Variants in WWTR1 observed in about 807,000 individuals in gnomAD.
WWTR1 encodes WW domain-containing transcription regulator protein 1.
In WWTR1, 13 loss-of-function variants were observed where a neutral mutation model predicts 40.1. The ratio of observed to expected loss-of-function variants is 0.32; its 90% CI spans 0.21 to 0.52. WWTR1 has a LOEUF of 0.52. WWTR1 is among the 20% of genes least tolerant of loss of function. The probability of loss-of-function intolerance (pLI) is 0.97; values close to 1 mark genes in which losing one functional copy is unlikely to be tolerated. For synonymous variants in WWTR1, 230 were observed against 210.1 expected (o/e 1.09, Z -0.82); for missense variants, 436 against 523.1 (o/e 0.83, Z 1.63).
At chr3:149,637,992 G>T (rs1028321473) in intron 2 of WWTR1, among the ~76,000 whole-genome samples, 11 of 152,154 alleles carry the variant, frequency 7.2e-5, no homozygotes, top group African/African-American at 2.4e-4. Context: ...TGAGGTGGTG[G>T]ATCACCTGAG....
At chr3:149,672,166 C>G (rs1714108854) in intron 1 of WWTR1, among the ~76,000 whole-genome samples, 1 of 152,102 alleles carries the variant, frequency 6.6e-6, no homozygotes, top group South Asian at 2.1e-4. Context: ...AAAAAACAAC[C>G]AGTAGAATGT....
intron 1 of WWTR1, among the ~76,000 whole-genome samples, chr3:149,694,473 G>A (rs550026048): frequency 1.5e-3 from 235 of 152,180 alleles, no homozygotes; most frequent in South Asian, 3.3e-3. Flanking sequence ...ATAACTCAAT[G>A]GGGAAAAATA....
At chr3:149,683,792 G>T (rs1408645211) in intron 1 of WWTR1, among the ~76,000 whole-genome samples, 1 of 152,216 alleles carries the variant, frequency 6.6e-6, no homozygotes, top group Non-Finnish European at 1.5e-5. Flanking sequence ...TGGGAAGGGG[G>T]TGTGACAGCC....
intron 1 of WWTR1, among the ~76,000 whole-genome samples, chr3:149,671,719 TG>T (rs1714094627): frequency 6.6e-6 from 1 of 152,176 alleles, no homozygotes; most frequent in Non-Finnish European, 1.5e-5. Flanking sequence ...AACAGTCAGA[TG>T]TTTTTTCCCT....
intron 5 of WWTR1, among the ~76,000 whole-genome samples, chr3:149,716,284 G>A (rs1180895923): frequency 6.6e-6 from 1 of 151,960 alleles, no homozygotes; most frequent in Non-Finnish European, 1.5e-5. Context: ...TCAGAAGGCT[G>A]GGCAGGAGAA....
At chr3:149,655,721 A>G (rs1043724686) in intron 2 of WWTR1, among the ~76,000 whole-genome samples, 1 of 152,264 alleles carries the variant, frequency 6.6e-6, no homozygotes, top group South Asian at 2.1e-4. Context: ...GTATGAATCA[A>G]TGGGCTCACT....
intron 2 of WWTR1, among the ~76,000 whole-genome samples, chr3:149,626,255 G>C (rs992820333): frequency 6.6e-6 from 1 of 152,054 alleles, no homozygotes; most frequent in Admixed American, 6.6e-5. Flanking sequence ...ATTCATTACT[G>C]GAGCCTACCA....
rs140021538 is a variant in WWTR1 at position 149,602,152 on chromosome 3, A to C, written c.432-29152T>G. Among the ~76,000 whole-genome samples, 20 of 152,298 alleles carry C rather than the reference A, an allele frequency of 1.3e-4. No homozygotes were observed. The East Asian group carries it at 3.7e-3, about 28-fold the overall frequency. On this transcript the variant is annotated intron_variant, in intron 2 of 6. Transcript: ENST00000360632. ...GCTGGGGGAAAATGAGGAAACAATA[A>C]ATTTTCCCCCACAGGAGAAAAATGT... is the stretch of plus-strand genomic sequence containing the variant.
rs141654663 is a variant in WWTR1 at position 149,711,966 on chromosome 3, A to G, written n.584+5476T>C. ...CTCTAGTTATCTGCCTTCCCAACCA[A>G]TGTTAACTTCTTGAAATCAAAGACT... is the stretch of plus-strand genomic sequence containing the variant. On this transcript the variant is annotated intron_variant and non_coding_transcript_variant, in intron 5 of 6. Transcript: ENST00000474080. Among the ~76,000 whole-genome samples, 426 of 152,304 alleles carry G rather than the reference A, an allele frequency of 2.8e-3. 1 individual carries two copies. The highest frequency in any genetic ancestry group is 9.4e-3 in the African/African-American group (391 of 41,570).
At chr3:149,621,309 A>AC (rs1740253804) in intron 2 of WWTR1, among the ~76,000 whole-genome samples, 1 of 152,172 alleles carries the variant, frequency 6.6e-6, no homozygotes, top group Non-Finnish European at 1.5e-5. Context: ...CTAATCACAG[A>AC]AGTCTTTGTG....
At chr3:149,620,875 A>T (rs551520462) in intron 2 of WWTR1, among the ~76,000 whole-genome samples, 1 of 152,348 alleles carries the variant, frequency 6.6e-6, no homozygotes, top group Admixed American at 6.5e-5. Flanking sequence ...AAGAATCTCA[A>T]GCTTTTCAAC....
chr3:149,703,031 T>C (rs1715243896), intron 1 of WWTR1: 1 of 152,242 alleles, frequency 6.6e-6, no homozygotes, highest in Non-Finnish European at 1.5e-5. Flanking sequence ...TCCTTGCTTA[T>C]CTTGTTACTC....
At chr3:149,697,001 C>T (rs941838927) in intron 1 of WWTR1, among the ~76,000 whole-genome samples, 18 of 152,170 alleles carry the variant, frequency 1.2e-4, no homozygotes, top group Admixed American at 5.9e-4. Context: ...TGTCTTAGCA[C>T]GGAGGTCACT....
chr3:149,525,791 CA>C, intron 6 of WWTR1: 2 of 310,000 alleles, frequency 6.5e-6, no homozygotes, highest in Non-Finnish European at 1.2e-5. Context: ...GGGTGAAAAA[CA>C]AACTATTGGG....
intron 4 of WWTR1, among the ~76,000 whole-genome samples, chr3:149,535,842 G>A (rs570442124): frequency 9.3e-4 from 142 of 152,002 alleles, no homozygotes; most frequent in African/African-American, 2.9e-3. Flanking sequence ...GCAAAACCCC[G>A]TCTCTACTAA....
chr3:149,655,758 A>C (rs1265644914), intron 2 of WWTR1, among the ~76,000 whole-genome samples: 1 of 152,254 alleles, frequency 6.6e-6, no homozygotes, highest in East Asian at 1.9e-4. Context: ...ATCACTGTGT[A>C]TTCATTCTTA....
At chr3:149,613,386 C>G (rs1368541424) in intron 2 of WWTR1, among the ~76,000 whole-genome samples, 2 of 152,132 alleles carry the variant, frequency 1.3e-5, no homozygotes, top group Non-Finnish European at 2.9e-5. Flanking sequence ...AGGCAAGACC[C>G]AGGGACCAAG....
chr3:149,710,577 C>CCA lies in WWTR1; in HGVS notation n.584+6864_584+6865insTG, dbSNP rs1559847491. ...ATTATCATTATCCCCGCCTCCCCCCCCCCCCTTTTTTTTTTTTTTTGAGAT... is the reference window on the plus strand; with the variant it reads ...ATTATCATTATCCCCGCCTCCCCCCCCACCCCCTTTTTTTTTTTTTTTGAGAT... On this transcript the variant is annotated intron_variant and non_coding_transcript_variant, in intron 5 of 6. Coordinates refer to the WWTR1 transcript ENST00000474080. Among the ~76,000 whole-genome samples, 35 of 82,598 alleles carry CCA rather than the reference C, an allele frequency of 4.2e-4. 3 individuals carry two copies. The highest frequency in any genetic ancestry group is 1.5e-3 in the African/African-American group (32 of 21,406). 54.2% of individuals were successfully genotyped at this position (82,598 alleles called of 152,430 possible).
chr3:149,633,079 A>G (rs986420586), intron 2 of WWTR1, among the ~76,000 whole-genome samples: 1 of 152,240 alleles, frequency 6.6e-6, no homozygotes, highest in Non-Finnish European at 1.5e-5. Context: ...TAAATTATAT[A>G]TCAATGAAGC....
Sources: gnomAD v4.1 joint callset for allele counts (sites outside exome capture counted in the v4.1 genomes callset) on GRCh38, gnomAD v4.1.1 for gene constraint, MANE v1.5 for transcripts, NCBI Gene and HGNC (gene_info 2026-07-23, HGNC 2026-07-21) for gene names.